Variants in PCBP3 observed in about 807,000 individuals in gnomAD.
The protein encoded by PCBP3 is poly(rC) binding protein 3.
Under a neutral mutation model 52.7 loss-of-function variants are expected in PCBP3, and 25 were observed. The ratio of observed to expected loss-of-function variants is 0.47; its 90% confidence interval spans 0.35 to 0.66. The LOEUF is 0.66. Ranked by LOEUF, PCBP3 falls within the 30% of genes least tolerant of loss-of-function variation. PCBP3 has a pLI of 0.01. For synonymous variants in PCBP3, 162 were observed against 183.0 expected (o/e 0.89, Z 0.93); for missense variants, 391 against 490.3 (o/e 0.80, Z 1.91).
At chr21:45,703,380 T>C (rs2083251580) in intron 2 of PCBP3, among the ~76,000 whole-genome samples, 1 of 152,242 alleles carries the variant, frequency 6.6e-6, no homozygotes, top group Admixed American at 6.5e-5. Context: ...AATTACTCCT[T>C]GACCCGTGTC....
intron 2 of PCBP3, among the ~76,000 whole-genome samples, chr21:45,708,007 T>TA (rs1279899993): frequency 6.6e-6 from 1 of 152,240 alleles, no homozygotes. Flanking sequence ...TTAGCCCAGG[T>TA]ATCTTCAGTG....
At chr21:45,940,353 G>T (rs1005369934) in intron 17 of PCBP3, among the ~76,000 whole-genome samples, 154 bp downstream of exon 17, 2 of 152,204 alleles carry the variant, frequency 1.3e-5, no homozygotes, top group African/African-American at 4.8e-5. Context: ...GGATGGTGGG[G>T]ACAGGATGGG....
chr21:45,816,478 CT>C, intron 4 of PCBP3, among the ~76,000 whole-genome samples: 1 of 60,942 alleles, frequency 1.6e-5, no homozygotes, highest in African/African-American at 6.6e-5. Flanking sequence ...CCTCTCCCTC[CT>C]CCCCCTCCTC....
At chr21:45,662,772 A>T (rs1445395121) in intron 1 of PCBP3, among the ~76,000 whole-genome samples, 1 of 152,178 alleles carries the variant, frequency 6.6e-6, no homozygotes, top group East Asian at 1.9e-4. Flanking sequence ...GCCCTCTGTC[A>T]CACCTGGACA....
chr21:45,908,013 G>T lies in PCBP3; in HGVS notation c.340-1342G>T, dbSNP rs73907993. On this transcript the variant is annotated intron_variant, in intron 9 of 17. Transcript: ENST00000681687. Reference sequence around the variant, plus strand: ...TTTTAAATGAGAAGTTCATTTGAAGGCCTCTTCATACCAATCAAAAAATGC... The same window carrying T: ...TTTTAAATGAGAAGTTCATTTGAAGTCCTCTTCATACCAATCAAAAAATGC... Among the ~76,000 whole-genome samples, 390 of 152,244 alleles carry T rather than the reference G, an allele frequency of 2.6e-3. 2 individuals carry two copies. Among genetic ancestry groups the T allele is most frequent in the African/African-American group, 7.6e-3 (316 of 41,534 alleles).
chr21:45,862,233 T>C (rs1209236338), intron 5 of PCBP3, among the ~76,000 whole-genome samples: 2 of 152,114 alleles, frequency 1.3e-5, no homozygotes, highest in East Asian at 3.9e-4. Flanking sequence ...AACATTACAT[T>C]ATTAGTTACT....
chr21:45,815,437 A>G (rs144480854), intron 4 of PCBP3, among the ~76,000 whole-genome samples: 3,895 of 69,568 alleles, frequency 0.056, 142 homozygotes, highest in Non-Finnish European at 0.079. Flanking sequence ...GTGAGTGGTG[A>G]GTCAGTGGTG....
chr21:45,768,949 C>T (rs572042637), intron 4 of PCBP3, among the ~76,000 whole-genome samples: 3 of 152,346 alleles, frequency 2.0e-5, no homozygotes, highest in African/African-American at 4.8e-5. Flanking sequence ...GCATGATGAC[C>T]GATGGCAGGA....
At chr21:45,743,976 G>C (rs550866742) in intron 3 of PCBP3, among the ~76,000 whole-genome samples, 3 of 151,962 alleles carry the variant, frequency 2.0e-5, no homozygotes, top group Non-Finnish European at 4.4e-5. Context: ...CTATTTTGGA[G>C]ACTGATTTTT....
In PCBP3 at chr21:45,786,622, A is replaced by T. The variant is rs575508627; in HGVS notation, c.-126+31170A>T. Among the ~76,000 whole-genome samples the T allele has an allele frequency of 9.2e-5, 14 of 152,278 alleles. No homozygotes were observed. In the South Asian group the frequency reaches 2.7e-3, roughly 29 times the overall value. The stretch of plus-strand genomic sequence containing the variant: ...ATCATTTTGAAGAGTTATGAAAACC[A>T]CCTAAGCCACAAATAATTTTAAGTC... On this transcript the variant is annotated intron_variant, in intron 4 of 17. Coordinates refer to ENST00000681687, the MANE Select transcript of PCBP3 (RefSeq NM_001384156.1).
At chr21:45,715,625 G>A (rs569120896) in intron 2 of PCBP3, among the ~76,000 whole-genome samples, 10 of 152,228 alleles carry the variant, frequency 6.6e-5, no homozygotes, top group Admixed American at 2.6e-4. Context: ...TAACAATTTT[G>A]CATGTCTTCA....
intron 4 of PCBP3, among the ~76,000 whole-genome samples, chr21:45,806,530 G>A (rs1374692200): frequency 6.6e-6 from 1 of 151,686 alleles, no homozygotes; most frequent in African/African-American, 2.4e-5. Context: ...CTAGAATTAT[G>A]CTGGGAAAAT....
chr21:45,707,579 G>T (rs1175687825), intron 2 of PCBP3, among the ~76,000 whole-genome samples: 1 of 152,174 alleles, frequency 6.6e-6, no homozygotes, highest in Admixed American at 6.5e-5. Context: ...GTGGATGTGA[G>T]GCGTGGGGAT....
At chr21:45,901,251 C>T (rs540232572) in intron 9 of PCBP3, 138 bp downstream of exon 9, 2 of 682,526 alleles carry the variant, frequency 2.9e-6, no homozygotes, top group Admixed American at 2.0e-5. Context: ...ACGCTCACCT[C>T]CTTTGCCTCC....
At chr21:45,902,070 A>T (rs2096070904) in intron 9 of PCBP3, among the ~76,000 whole-genome samples, 2 of 152,142 alleles carry the variant, frequency 1.3e-5, no homozygotes, top group Non-Finnish European at 2.9e-5. Context: ...GGGAGAGAAG[A>T]GGAGAGATGT....
intron 4 of PCBP3, among the ~76,000 whole-genome samples, chr21:45,784,227 T>G (rs184745764): frequency 9.2e-5 from 14 of 152,232 alleles, no homozygotes; most frequent in Admixed American, 5.9e-4. Flanking sequence ...ATTTAAGGTG[T>G]TTTGATTGTA....
intron 3 of PCBP3, among the ~76,000 whole-genome samples, chr21:45,754,104 T>C (rs558328093): frequency 1.3e-5 from 2 of 152,206 alleles, no homozygotes; most frequent in Admixed American, 1.3e-4. Flanking sequence ...ACTTATTAGG[T>C]CATTCTGAAA....
intron 2 of PCBP3, among the ~76,000 whole-genome samples, chr21:45,686,852 C>A (rs1469643726): frequency 2.6e-5 from 4 of 151,712 alleles, no homozygotes; most frequent in Non-Finnish European, 5.9e-5. Flanking sequence ...AACTAAAACA[C>A]AAGGAGGAAA....
chr21:45,848,197 G>A (rs2093859088), intron 4 of PCBP3: 1 of 152,148 alleles, frequency 6.6e-6, no homozygotes, highest in South Asian at 2.1e-4. Context: ...CCTGACCATC[G>A]GGACTCAGGA....
Sources: allele counts gnomAD v4.1 joint callset (sites outside exome capture counted in the v4.1 genomes callset), GRCh38; gene constraint gnomAD v4.1.1; transcripts MANE v1.5; gene names NCBI Gene and HGNC (gene_info 2026-07-23, HGNC 2026-07-21).